SLIT3: variants seen among roughly 807,000 people sequenced by gnomAD.
SLIT3 encodes the protein slit homolog 3 protein.
In SLIT3, 68 loss-of-function variants were observed where a neutral mutation model predicts 184.0. The ratio of observed to expected loss-of-function variants is 0.37; its 90% CI spans 0.30 to 0.45. SLIT3 has a LOEUF of 0.45. SLIT3 is among the 20% of genes least tolerant of loss of function. SLIT3 has a pLI of 1.00. For missense variants in SLIT3, 1,707 were observed against 2,026.0 expected, an observed-to-expected ratio of 0.84 and a Z score of 3.02; for synonymous variants, 831 against 828.6, an observed-to-expected ratio of 1.00 and a Z score of -0.05.
rs77885797 is a variant in SLIT3, at chr5:169,068,123, C to T, written c.413+125356G>A. On this transcript the variant is annotated intron_variant, in intron 4 of 35. Transcript: ENST00000519560. ...TGCAGCTTGGAAATTTTCCACCAGTCAAGCTGATAAGCACTATTCCCCTCT... is the reference window on the plus strand; with the variant it reads ...TGCAGCTTGGAAATTTTCCACCAGTTAAGCTGATAAGCACTATTCCCCTCT... Among the ~76,000 whole-genome samples, 948 of 152,148 alleles carry T rather than the reference C, an allele frequency of 6.2e-3. 8 individuals carry two copies. Among genetic ancestry groups the T allele is most frequent in the African/African-American group, 0.022 (901 of 41,482 alleles).
At chr5:169,241,775 G>A (rs945855275) in intron 3 of SLIT3, among the ~76,000 whole-genome samples, 4 of 152,134 alleles carry the variant, frequency 2.6e-5, no homozygotes, top group Non-Finnish European at 4.4e-5. Context: ...GGTGTGATAG[G>A]AAGACACCTG....
intron 11 of SLIT3, among the ~76,000 whole-genome samples, chr5:168,787,969 A>G (rs1010286445): frequency 6.6e-6 from 1 of 150,444 alleles, no homozygotes; most frequent in African/African-American, 2.5e-5. Flanking sequence ...TGCATGAATG[A>G]ATGAATAAAT....
In SLIT3 at chr5:168,798,145, G is replaced by A. The variant is rs375524072; in HGVS notation, c.936-2567C>T. The stretch of plus-strand genomic sequence containing the variant: ...ATTCCAGGCTTAGCCTGTTAAGCCT[G>A]GCAGAGATCTTGCTCTGCATCCTGC... On this transcript the variant is annotated intron_variant, in intron 9 of 35. Coordinates refer to ENST00000519560, the MANE Select transcript of SLIT3 (RefSeq NM_003062.4). Among the ~76,000 whole-genome samples, 8 of 152,046 alleles carry A rather than the reference G, an allele frequency of 5.3e-5. No individual in the cohort carries two copies. The South Asian group carries it at 1.7e-3, about 32-fold the overall frequency.
At chr5:169,068,231 G>A (rs938394236) in intron 4 of SLIT3, among the ~76,000 whole-genome samples, 8 of 151,938 alleles carry the variant, frequency 5.3e-5, no homozygotes, top group African/African-American at 1.5e-4. Flanking sequence ...AAAAAGAGAG[G>A]AAGAGAAAGA....
intron 28 of SLIT3, among the ~76,000 whole-genome samples, chr5:168,694,365 A>G (rs1415991031): frequency 1.3e-5 from 2 of 152,108 alleles, no homozygotes; most frequent in African/African-American, 2.4e-5. Context: ...ACTCAACTCT[A>G]TACAGTGATT....
intron 5 of SLIT3, among the ~76,000 whole-genome samples, chr5:168,848,875 C>T (rs1266562622): frequency 6.6e-6 from 1 of 152,138 alleles, no homozygotes. Flanking sequence ...TCATCTCTTT[C>T]AATTACAATG....
intron 4 of SLIT3, among the ~76,000 whole-genome samples, chr5:169,135,585 G>A (rs1203934670): frequency 1.3e-5 from 2 of 152,128 alleles, no homozygotes; most frequent in Non-Finnish European, 2.9e-5. Context: ...GTGGTAGTGA[G>A]GACAAGTATT....
chr5:168,963,093 C>A (rs1763072023), intron 4 of SLIT3, among the ~76,000 whole-genome samples: 1 of 152,238 alleles, frequency 6.6e-6, no homozygotes, highest in Non-Finnish European at 1.5e-5. Context: ...GGTTGGCGAA[C>A]TATGGCCTAC....
intron 3 of SLIT3, among the ~76,000 whole-genome samples, chr5:169,213,681 T>C (rs1764344906): frequency 6.6e-6 from 1 of 152,224 alleles, no homozygotes; most frequent in South Asian, 2.1e-4. Flanking sequence ...ATCTGACCTA[T>C]TACACATTTT....
At chr5:169,150,538 C>A (rs1181454961) in intron 4 of SLIT3, among the ~76,000 whole-genome samples, 3 of 151,732 alleles carry the variant, frequency 2.0e-5, no homozygotes, top group Non-Finnish European at 4.4e-5. Flanking sequence ...CACACACACA[C>A]ACACACCCTT....
chr5:168,845,749 A>C (rs376176543), intron 5 of SLIT3, among the ~76,000 whole-genome samples: 3 of 152,308 alleles, frequency 2.0e-5, no homozygotes, highest in African/African-American at 7.2e-5. Flanking sequence ...AACCATAAAA[A>C]ACAACAAAAA....
intron 4 of SLIT3, among the ~76,000 whole-genome samples, chr5:169,042,406 C>G (rs1253900886): frequency 6.6e-6 from 1 of 152,196 alleles, no homozygotes; most frequent in Non-Finnish European, 1.5e-5. Flanking sequence ...GACTGACCAA[C>G]TAATTTCAAA....
intron 4 of SLIT3, among the ~76,000 whole-genome samples, chr5:169,169,535 C>A (rs1318419397): frequency 6.6e-6 from 1 of 152,128 alleles, no homozygotes; most frequent in Non-Finnish European, 1.5e-5. Flanking sequence ...AGGCCAGGGG[C>A]CCTTGAGATG....
intron 4 of SLIT3, among the ~76,000 whole-genome samples, chr5:169,109,041 C>T (rs904908531): frequency 6.6e-6 from 1 of 152,168 alleles, no homozygotes; most frequent in African/African-American, 2.4e-5. Context: ...CTAAGACTTG[C>T]TTCTCACTGA....
intron 11 of SLIT3, among the ~76,000 whole-genome samples, chr5:168,786,362 T>C (rs1243501960): frequency 6.6e-6 from 1 of 152,186 alleles, no homozygotes; most frequent in Non-Finnish European, 1.5e-5. Context: ...TTGATCAGCT[T>C]GAGCCCAGCC....
At chr5:168,753,534 T>G (rs1452360249) in intron 17 of SLIT3, among the ~76,000 whole-genome samples, 3 of 152,268 alleles carry the variant, frequency 2.0e-5, no homozygotes. Flanking sequence ...AAGGTCCTTA[T>G]GCTTATGTTT....
intron 4 of SLIT3, among the ~76,000 whole-genome samples, chr5:169,062,406 T>C (rs1758203068): frequency 6.6e-6 from 1 of 152,106 alleles, no homozygotes; most frequent in African/African-American, 2.4e-5. Flanking sequence ...ACTTAATCCT[T>C]CTCCTTACCT....
intron 4 of SLIT3, among the ~76,000 whole-genome samples, chr5:169,075,458 C>T (rs1758701872): frequency 6.6e-6 from 1 of 152,150 alleles, no homozygotes; most frequent in Non-Finnish European, 1.5e-5. Flanking sequence ...GGAATAAAAG[C>T]TGTATTCGAA....
intron 8 of SLIT3, among the ~76,000 whole-genome samples, chr5:168,810,487 G>C (rs767158023): frequency 3.3e-5 from 5 of 152,196 alleles, no homozygotes; most frequent in Non-Finnish European, 5.9e-5. Flanking sequence ...TTTTAAATAA[G>C]TGTCCACACT....
Sources: gnomAD v4.1 joint callset for allele counts (sites outside exome capture counted in the v4.1 genomes callset) on GRCh38, gnomAD v4.1.1 for gene constraint, MANE v1.5 for transcripts, NCBI Gene and HGNC (gene_info 2026-07-23, HGNC 2026-07-21) for gene names.